SYK: variants seen among roughly 807,000 people sequenced by gnomAD.
SYK encodes spleen associated tyrosine kinase.
In SYK, 16 loss-of-function variants were observed where a neutral mutation model predicts 77.8. The ratio of observed to expected loss-of-function variants is 0.21; its 90% CI spans 0.14 to 0.31. SYK has a LOEUF of 0.31. SYK is among the 10% of genes least tolerant of loss of function. The pLI is 1.00. For synonymous variants in SYK, 312 were observed against 308.7 expected (o/e 1.01, Z -0.11); for missense variants, 529 against 814.4 (o/e 0.65, Z 4.26).
Position 90,842,177 on chromosome 9 carries a change from G to A in SYK, c.-41-1681G>A, listed in dbSNP as rs568464487. ...GTGTTGTTTGTAGTGTGTTGTGTGT[G>A]TGGTGTGTATGTAGTTTGTGTGTGT... is the stretch of plus-strand genomic sequence containing the variant. On this transcript the variant is annotated intron_variant, in intron 1 of 13. Coordinates refer to ENST00000375754, the MANE Select transcript of SYK (RefSeq NM_003177.7). 5.9e-5 allele frequency among the ~76,000 whole-genome samples: 9 copies of A among 151,828 alleles called. No homozygotes were observed. The South Asian group carries it at 1.9e-3, about 32-fold the overall frequency.
intron 1 of SYK, among the ~76,000 whole-genome samples, chr9:90,836,875 C>T (rs1826105015): frequency 6.6e-6 from 1 of 152,046 alleles, no homozygotes; most frequent in Non-Finnish European, 1.5e-5. Context: ...TGGTTGCCTG[C>T]CATTTCAGAT....
chr9:90,873,835 A>G (rs763901802), intron 7 of SYK, among the ~76,000 whole-genome samples: 2 of 152,236 alleles, frequency 1.3e-5, no homozygotes, highest in Non-Finnish European at 2.9e-5. Flanking sequence ...TTAAAGAAGG[A>G]AAATGCTTCC....
At chr9:90,832,701 T>A (rs1825937790) in intron 1 of SYK, among the ~76,000 whole-genome samples, 1 of 152,252 alleles carries the variant, frequency 6.6e-6, no homozygotes, top group Non-Finnish European at 1.5e-5. Context: ...TTTATTTACT[T>A]AAATATCCAT....
intron 6 of SYK, among the ~76,000 whole-genome samples, chr9:90,866,691 GA>G (rs982531268): frequency 2.0e-5 from 3 of 151,518 alleles, no homozygotes; most frequent in Admixed American, 6.6e-5. Flanking sequence ...ATACATACGG[GA>G]AAAAAAAGGC....
intron 7 of SYK, among the ~76,000 whole-genome samples, chr9:90,868,335 C>G (rs1213994854): frequency 6.6e-6 from 1 of 152,100 alleles, no homozygotes; most frequent in East Asian, 1.9e-4. Context: ...CTTTAGACTA[C>G]AGGAGAACAT....
At position 90,884,789 on chromosome 9, in the gene SYK, GCACATATACACATATGTGTACATA is replaced by G. The variant is rs1564122638; in HGVS notation, c.1582-2940_1582-2917del. Among the ~76,000 whole-genome samples the G allele has an allele frequency of 4.8e-4, 11 of 22,972 alleles. 3 individuals are homozygous for G. Among genetic ancestry groups the G allele is most frequent in the Admixed American group, 9.8e-4 (2 of 2,034 alleles). The allele number at this position is 22,972 out of a possible 152,430, so 15.1% of individuals were successfully genotyped here. A position where few individuals can be genotyped will look rare whatever the true frequency, so the allele number is the denominator to read the frequency against. ...CATGCACATATACACATGTGTACAT[GCACATATACACATATGTGTACATA>G]CACATATACACATATGTGTGTATAT... On this transcript the variant is annotated intron_variant, in intron 11 of 13. Transcript: ENST00000375754.
intron 1 of SYK, among the ~76,000 whole-genome samples, chr9:90,812,743 G>GAGTGTGTGTGTA (rs1564068001): frequency 2.4e-5 from 2 of 81,814 alleles, no homozygotes; most frequent in African/African-American, 6.8e-5. Context: ...CATTTGATAT[G>GAGTGTGTGTGTA]TGTGTGTGTG....
intron 1 of SYK, 49 bp from the exon 2 acceptor site, chr9:90,843,809 C>A (rs10993708): frequency 0.026 from 35,627 of 1,364,416 alleles, 1,035 homozygotes; most frequent in East Asian, 0.18. Context: ...GCAAACGTTC[C>A]CTGCCACGTG....
intron 3 of SYK, among the ~76,000 whole-genome samples, chr9:90,852,904 G>A (rs1332881682): frequency 1.3e-5 from 2 of 152,220 alleles, no homozygotes; most frequent in African/African-American, 4.8e-5. Context: ...GGGGGAAGAT[G>A]ACAAACGCAA....
intron 9 of SYK, among the ~76,000 whole-genome samples, chr9:90,875,785 A>G (rs1796871959): frequency 6.6e-6 from 1 of 152,196 alleles, no homozygotes; most frequent in Non-Finnish European, 1.5e-5. Context: ...GGTACCCAAC[A>G]TAGAATGTAC....
At chr9:90,802,086 C>T (rs1167836489) in intron 1 of SYK, 193 bp downstream of exon 1, 8 of 152,400 alleles carry the variant, frequency 5.2e-5, no homozygotes, top group Non-Finnish European at 2.9e-5. Context: ...GCTCGGGATC[C>T]AGAAGCTGCG....
intron 1 of SYK, among the ~76,000 whole-genome samples, chr9:90,821,036 T>A (rs989894323): frequency 3.9e-5 from 6 of 152,196 alleles, no homozygotes; most frequent in African/African-American, 1.4e-4. Flanking sequence ...TGCTAAAACA[T>A]AACAAGAGTC....
At chr9:90,891,410 C>T (rs924270558) in intron 13 of SYK, among the ~76,000 whole-genome samples, 1 of 152,034 alleles carries the variant, frequency 6.6e-6, no homozygotes, top group African/African-American at 2.4e-5. Context: ...GCCTTGTTGC[C>T]TGCTTTTTTA....
chr9:90,884,418 T>C (rs747375986), intron 11 of SYK, among the ~76,000 whole-genome samples: 1 of 113,348 alleles, frequency 8.8e-6, no homozygotes, highest in Non-Finnish European at 1.8e-5. Context: ...TATATATACA[T>C]ACATATACAC....
Position 90,874,311 on chromosome 9 carries a change from A to G in SYK, c.1003+20A>G. The G allele has an allele frequency of 6.2e-7, 1 of 1,612,926 alleles. No homozygotes were observed. Among genetic ancestry groups the G allele is most frequent in the Non-Finnish European group, 8.5e-7 (1 of 1,178,918 alleles). On this transcript the variant is annotated intron_variant, in intron 8 of 13. Coordinates refer to ENST00000375754, the MANE Select transcript of SYK (RefSeq NM_003177.7). ...ACAAAGGTGAGACTTCCTTTCATTC[A>G]AGGGACATTCACAGAGCAAAGTGCG...
chr9:90,865,188 T>A, intron 6 of SYK, 91 bp downstream of exon 6: 1 of 1,313,504 alleles, frequency 7.6e-7, no homozygotes, highest in South Asian at 1.2e-5. Flanking sequence ...TAGTAGGCAT[T>A]GATATTTTGA....
At chr9:90,847,341 G>A (rs1388981570) in intron 3 of SYK, among the ~76,000 whole-genome samples, 1 of 152,244 alleles carries the variant, frequency 6.6e-6, no homozygotes, top group South Asian at 2.1e-4. Flanking sequence ...TGAGAGAGGG[G>A]CCTGGGCTTC....
intron 13 of SYK, among the ~76,000 whole-genome samples, chr9:90,889,717 G>C (rs2118984048): frequency 6.6e-6 from 1 of 152,356 alleles, no homozygotes; most frequent in East Asian, 1.9e-4. Context: ...CTGGGCCCCG[G>C]AGCATCTTCT....
chr9:90,830,625 G>A (rs955029972), intron 1 of SYK, among the ~76,000 whole-genome samples: 13 of 128,300 alleles, frequency 1.0e-4, no homozygotes, highest in Admixed American at 3.9e-4. Flanking sequence ...TCGCTCTGTC[G>A]CCCAGGCTGG....
Sources: gnomAD v4.1 joint callset for allele counts (sites outside exome capture counted in the v4.1 genomes callset) on GRCh38, gnomAD v4.1.1 for gene constraint, MANE v1.5 for transcripts, NCBI Gene and HGNC (gene_info 2026-07-23, HGNC 2026-07-21) for gene names.